Variants in LARGE1 observed in about 807,000 individuals in gnomAD.
The protein encoded by LARGE1 is LARGE xylosyl- and glucuronyltransferase 1.
Under a neutral mutation model 87.6 loss-of-function variants are expected in LARGE1, and 43 were observed. That is an observed-to-expected ratio of 0.49 (90% CI 0.38 to 0.63). The LOEUF is 0.63. Ranked by LOEUF, LARGE1 falls within the 30% of genes least tolerant of loss-of-function variation. LARGE1 has a pLI of 0.00. For missense variants in LARGE1, 802 were observed against 1,000.2 expected, an observed-to-expected ratio of 0.80 and a Z score of 2.67; for synonymous variants, 434 against 394.6, an observed-to-expected ratio of 1.10 and a Z score of -1.18.
chr22:33,454,764 C>T (rs1314152385), intron 6 of LARGE1, among the ~76,000 whole-genome samples: 1 of 152,126 alleles, frequency 6.6e-6, no homozygotes, highest in Middle Eastern at 3.2e-3. Context: ...GAAACAGACA[C>T]GTCTCACATG....
At chr22:33,722,251 AGAGGGAGAGGGAGAG>A (rs767696606) in intron 2 of LARGE1, among the ~76,000 whole-genome samples, 1,612 of 46,512 alleles carry the variant, frequency 0.035, 515 homozygotes, top group East Asian at 0.19. Context: ...GAAGGGAGGA[AGAGGGAGAGGGAGAG>A]GAGGGAGAGG....
In LARGE1 at chr22:33,316,331, C is replaced by T. The variant is rs1029238298; in HGVS notation, c.1288-83G>A. 2.9e-6 allele frequency: 4 copies of T among 1,400,302 alleles called. No homozygotes were observed. The Admixed American group carries it at 7.5e-5, about 26-fold the overall frequency. The allele number at this position is 1,400,302 out of a possible 1,614,324, so 86.7% of individuals were successfully genotyped here. A position where few individuals can be genotyped will look rare whatever the true frequency, so the allele number is the denominator to read the frequency against. On this transcript the variant is annotated intron_variant, in intron 10 of 14. Transcript: ENST00000397394. ...AGCTTGCCCCTTGAGCCCTGCCCTC[C>T]CCTGAGTTTATTACCCATCAGGACG... is the stretch of plus-strand genomic sequence containing the variant.
intron 6 of LARGE1, among the ~76,000 whole-genome samples, chr22:33,541,210 A>AG (rs1467613701): frequency 2.7e-5 from 4 of 150,666 alleles, no homozygotes; most frequent in Admixed American, 6.6e-5. Context: ...AGAAAAAAAA[A>AG]AAAAAAGAAA....
At chr22:33,830,597 T>A (rs5999117) in intron 1 of LARGE1, among the ~76,000 whole-genome samples, 14,713 of 152,248 alleles carry the variant, frequency 0.097, 857 homozygotes, top group South Asian at 0.25. Context: ...CTCCTACGGT[T>A]ACTGTGAGAA....
the LARGE1 span, among the ~76,000 whole-genome samples, chr22:33,084,935 CA>C: frequency 1.3e-3 from 199 of 152,248 alleles, no homozygotes; most frequent in African/African-American, 4.5e-3. Flanking sequence ...TAATTTTCAT[CA>C]AAAATATTTT....
At chr22:33,749,191 C>T (rs1249087857) in intron 2 of LARGE1, among the ~76,000 whole-genome samples, 3 of 152,124 alleles carry the variant, frequency 2.0e-5, no homozygotes, top group African/African-American at 7.2e-5. Context: ...CTCGGCTCAC[C>T]GCAACCTCCG....
chr22:33,406,552 G>A (rs2066107687), intron 7 of LARGE1, among the ~76,000 whole-genome samples: 1 of 151,918 alleles, frequency 6.6e-6, no homozygotes, highest in African/African-American at 2.4e-5. Context: ...CCTCTTTTGG[G>A]TTGCAGAGGT....
chr22:33,761,658 C>T (rs2084735098), intron 1 of LARGE1, 100 bp from the exon 2 acceptor site: 4 of 636,976 alleles, frequency 6.3e-6, no homozygotes, highest in Non-Finnish European at 1.1e-5. Flanking sequence ...AGGGGTTCAA[C>T]TGATCTAGGC....
intron 11 of LARGE1, among the ~76,000 whole-genome samples, chr22:33,173,119 G>A (rs922311875): frequency 2.0e-5 from 3 of 152,154 alleles, no homozygotes; most frequent in Non-Finnish European, 4.4e-5. Flanking sequence ...GAAAGGTCGG[G>A]TTGCCCACAA....
At chr22:33,550,076 C>T (rs2148689790) in intron 6 of LARGE1, among the ~76,000 whole-genome samples, 1 of 151,770 alleles carries the variant, frequency 6.6e-6, no homozygotes, top group African/African-American at 2.4e-5. Flanking sequence ...AGCAAACCAA[C>T]ACAGCACATG....
intron 11 of LARGE1, among the ~76,000 whole-genome samples, chr22:33,232,495 C>T (rs989874318): frequency 5.3e-5 from 8 of 152,122 alleles, no homozygotes; most frequent in African/African-American, 1.9e-4. Flanking sequence ...CAAAATATGA[C>T]CAAGATAAAA....
chr22:33,842,209 C>T (rs1261912304), intron 1 of LARGE1, among the ~76,000 whole-genome samples: 1 of 152,136 alleles, frequency 6.6e-6, no homozygotes, highest in Non-Finnish European at 1.5e-5. Context: ...AGCACCGAAT[C>T]CTATTTATTA....
intron 1 of LARGE1, among the ~76,000 whole-genome samples, chr22:33,877,955 C>A: frequency 6.6e-6 from 1 of 151,192 alleles, no homozygotes; most frequent in Non-Finnish European, 1.5e-5. Context: ...AAAATACATA[C>A]CACAGTCCAG....
In LARGE1 at chr22:33,301,884, C is replaced by T. The variant is rs5998863; in HGVS notation, c.1730+2345G>A. Among the ~76,000 whole-genome samples, 154 of 151,584 alleles carry T rather than the reference C, an allele frequency of 1.0e-3. 1 individual carries two copies. The highest frequency in any genetic ancestry group is 3.5e-3 in the African/African-American group (143 of 41,348). On this transcript the variant is annotated intron_variant, in intron 12 of 14. Coordinates refer to ENST00000397394, the MANE Select transcript of LARGE1 (RefSeq NM_133642.5). ...CTTTAATTAATAAAACATAGAAAGA[C>T]AAAGAAAAAAAAACTGTTCATACGT...
Position 33,222,333 on chromosome 22 carries a change from G to A in LARGE1, c.1731-55501C>T, listed in dbSNP as rs190025726. ...GGAGGGTTACCAGCATGAGCCTGGG[G>A]TCTGCACTGCTGAGAAAGAAGGGCC... On this transcript the variant is annotated intron_variant, in intron 11 of 11. Transcript: ENST00000608642. 3.0e-3 allele frequency among the ~76,000 whole-genome samples: 455 copies of A among 152,280 alleles called. 6 individuals carry two copies. The highest frequency in any genetic ancestry group is 2.8e-3 in the Non-Finnish European group (189 of 68,014).
At chr22:33,347,415 G>A (rs559689116) in intron 9 of LARGE1, among the ~76,000 whole-genome samples, 1 of 152,308 alleles carries the variant, frequency 6.6e-6, no homozygotes, top group East Asian at 1.9e-4. Flanking sequence ...TCATGATGAT[G>A]ACATTCTCAA....
chr22:33,241,578 GTA>G (rs1041313418), intron 11 of LARGE1, among the ~76,000 whole-genome samples: 4 of 151,392 alleles, frequency 2.6e-5, no homozygotes, highest in Admixed American at 1.3e-4. Context: ...ATATATGTGT[GTA>G]TATGTGTGTG....
At chr22:33,578,812 G>A (rs2078427569) in intron 5 of LARGE1, among the ~76,000 whole-genome samples, 1 of 152,060 alleles carries the variant, frequency 6.6e-6, no homozygotes, top group South Asian at 2.1e-4. Context: ...AAAATTAATT[G>A]TACTCAGAAA....
intron 2 of LARGE1, among the ~76,000 whole-genome samples, chr22:33,745,490 GCAC>G (rs2084045935): frequency 6.6e-6 from 1 of 152,110 alleles, no homozygotes; most frequent in African/African-American, 2.4e-5. Context: ...GACAATCTGA[GCAC>G]CCAGAAGGCT....
Sources: allele counts gnomAD v4.1 joint callset (sites outside exome capture counted in the v4.1 genomes callset), GRCh38; gene constraint gnomAD v4.1.1; transcripts MANE v1.5; gene names NCBI Gene and HGNC (gene_info 2026-07-23, HGNC 2026-07-21).